The following RPGRIP1L variants were observed in gnomAD, a reference collection of about 807,000 sequenced individuals.
RPGRIP1L encodes the protein RPGRIP1 like.
In RPGRIP1L, 131 loss-of-function variants were observed where a neutral mutation model predicts 160.4. The observed-to-expected ratio is 0.82, with a 90% CI of 0.71 to 0.94. The LOEUF (loss-of-function observed/expected upper bound fraction) is 0.94. RPGRIP1L is among the 40% of genes least tolerant of loss of function. RPGRIP1L has a pLI of 0.00. For synonymous variants in RPGRIP1L, 510 were observed against 515.8 expected (o/e 0.99, Z 0.15); for missense variants, 1,522 against 1,535.8 (o/e 0.99, Z 0.15).
rs1296403401 is a variant in RPGRIP1L at position 53,658,792 on chromosome 16, G to A, written c.1330C>T (p.Arg444Cys). 4.1e-5 allele frequency: 65 copies of A among 1,601,780 alleles called. 1 individual carries two copies. The highest frequency in any genetic ancestry group is 2.1e-4 in the South Asian group (19 of 89,914). Residue 444 changes from arginine (R) to cysteine (C), a missense_variant, in exon 11 of 27, where the codon CGC (arginine) becomes TGC (cysteine). Transcript: ENST00000647211. ...TTCACCTGGTTGTACAATTTTATGC[G>A]TTTTTTAAGTTCATCAAGTTGTTGC... ...QKQQLDELKK[R>C]IKLYNQENDI...
intron 15 of RPGRIP1L, among the ~76,000 whole-genome samples, chr16:53,649,955 T>A (rs1051715279): frequency 5.9e-5 from 9 of 152,144 alleles, no homozygotes; most frequent in Admixed American, 2.0e-4. Context: ...ATTCTATACA[T>A]AAACTTTCCT....
chr16:53,643,716 T>G (rs9938878), intron 17 of RPGRIP1L, among the ~76,000 whole-genome samples: 1,827 of 152,236 alleles, frequency 0.012, 52 homozygotes, highest in African/African-American at 0.042. Context: ...GGAAATAGAT[T>G]CTACAGAAAT....
At chr16:53,671,700 C>T (rs1182204017) in intron 8 of RPGRIP1L, 117 bp from the exon 9 acceptor site, 1 of 590,454 alleles carries the variant, frequency 1.7e-6, no homozygotes, top group Middle Eastern at 4.5e-4. Flanking sequence ...ATCTCGATTG[C>T]TAAATGGTAG....
At chr16:53,689,928 G>T (rs1171941173) in intron 4 of RPGRIP1L, among the ~76,000 whole-genome samples, 1 of 152,162 alleles carries the variant, frequency 6.6e-6, no homozygotes, top group Non-Finnish European at 1.5e-5. Flanking sequence ...ATGTTTTTAA[G>T]AGTCTGCTGA....
At chr16:53,693,547 G>T (rs1424782314) in intron 3 of RPGRIP1L, 1 of 152,150 alleles carries the variant, frequency 6.6e-6, no homozygotes, top group Non-Finnish European at 1.5e-5. Flanking sequence ...AACATAATCA[G>T]TTAAGATTGT....
In RPGRIP1L at chr16:53,698,562, C is replaced by T. The variant is rs568772654; in HGVS notation, c.85+2077G>A. Among the ~76,000 whole-genome samples the T allele has an allele frequency of 2.5e-4, 36 of 145,748 alleles. 1 individual carries two copies. Among genetic ancestry groups the T allele is most frequent in the African/African-American group, 8.1e-4 (31 of 38,264 alleles). On this transcript the variant is annotated intron_variant, in intron 2 of 26. Transcript: ENST00000647211. ...GAGGTGGAGGGGTCAGCCCCCCGCC[C>T]GGCCAGCCGCCTCGTCCAGGAGGTG... is the stretch of plus-strand genomic sequence containing the variant.
intron 10 of RPGRIP1L, among the ~76,000 whole-genome samples, chr16:53,661,788 T>G (rs1056689512): frequency 2.0e-5 from 3 of 152,210 alleles, no homozygotes; most frequent in Non-Finnish European, 4.4e-5. Flanking sequence ...AACTGTTGTT[T>G]CAACAACGAT....
At chr16:53,683,667 C>A (rs1969770635) in intron 6 of RPGRIP1L, among the ~76,000 whole-genome samples, 1 of 146,914 alleles carries the variant, frequency 6.8e-6, no homozygotes. Context: ...ATATACTATT[C>A]TCTACTTTTG....
intron 25 of RPGRIP1L, among the ~76,000 whole-genome samples, chr16:53,606,133 ATGT>A (rs1179397002): frequency 2.0e-5 from 3 of 152,248 alleles, no homozygotes; most frequent in African/African-American, 7.2e-5. Flanking sequence ...TGTTAGATAA[ATGT>A]TGTAACTCTG....
intron 4 of RPGRIP1L, among the ~76,000 whole-genome samples, chr16:53,690,222 T>C (rs909396160): frequency 7.2e-5 from 11 of 152,158 alleles, no homozygotes; most frequent in Non-Finnish European, 1.3e-4. Context: ...TTTTGAGACT[T>C]AGTCTCCTCT....
In RPGRIP1L at chr16:53,655,300, C is replaced by T. The variant is rs187973748; in HGVS notation, c.1699+1172G>A. ...AAAGGTACTTTAATTTATGTTAACACGCAATAAGTTTATTATTATTTTAAC... is the reference window on the plus strand; with the variant it reads ...AAAGGTACTTTAATTTATGTTAACATGCAATAAGTTTATTATTATTTTAAC... On this transcript the variant is annotated intron_variant, in intron 14 of 26. Transcript: ENST00000647211. Among the ~76,000 whole-genome samples, 50 of 152,014 alleles carry T rather than the reference C, an allele frequency of 3.3e-4. 1 individual carries two copies. The highest frequency in any genetic ancestry group is 2.9e-3 in the South Asian group (14 of 4,808).
intron 5 of RPGRIP1L, 47 bp downstream of exon 5, chr16:53,687,814 CAT>C (rs1567881549): frequency 1.8e-6 from 2 of 1,094,800 alleles, no homozygotes; most frequent in Admixed American, 1.7e-5. Flanking sequence ...AAAAAAAAGA[CAT>C]TATCAATAAC....
At chr16:53,613,990 T>C (rs1964209912) in intron 24 of RPGRIP1L, among the ~76,000 whole-genome samples, 1 of 152,172 alleles carries the variant, frequency 6.6e-6, no homozygotes, top group African/African-American at 2.4e-5. Context: ...TTACATAACC[T>C]CTCCTCCTTC....
intron 6 of RPGRIP1L, among the ~76,000 whole-genome samples, chr16:53,683,707 A>G (rs201646253): frequency 6.6e-5 from 9 of 136,866 alleles, no homozygotes; most frequent in South Asian, 2.4e-4. Flanking sequence ...AAAAAAAAAG[A>G]AAAAAATCCA....
chr16:53,646,158 A>G (rs1966533145), intron 16 of RPGRIP1L, among the ~76,000 whole-genome samples, 155 bp from the exon 17 acceptor site: 1 of 152,210 alleles, frequency 6.6e-6, no homozygotes, highest in Non-Finnish European at 1.5e-5. Flanking sequence ...TCTAATGGAA[A>G]ATCAATATTC....
At chr16:53,633,169 G>C (rs1411175678) in intron 22 of RPGRIP1L, among the ~76,000 whole-genome samples, 3 of 152,148 alleles carry the variant, frequency 2.0e-5, no homozygotes. Context: ...GCAGTTCTTA[G>C]AGAAGACAAA....
intron 25 of RPGRIP1L, among the ~76,000 whole-genome samples, chr16:53,606,820 G>C (rs1281967471): frequency 1.3e-5 from 2 of 152,026 alleles, no homozygotes; most frequent in African/African-American, 2.4e-5. Context: ...CACTACGTTG[G>C]CCAGGCTGGT....
intron 8 of RPGRIP1L, among the ~76,000 whole-genome samples, chr16:53,672,198 G>A (rs1968789985): frequency 1.3e-5 from 2 of 152,092 alleles, no homozygotes; most frequent in Admixed American, 1.3e-4. Flanking sequence ...GTAGATTTCT[G>A]TACTCTAGTA....
At chr16:53,677,096 G>A (rs1226906215) in intron 6 of RPGRIP1L, among the ~76,000 whole-genome samples, 2 of 152,132 alleles carry the variant, frequency 1.3e-5, no homozygotes, top group South Asian at 2.1e-4. Flanking sequence ...GTAAGCATAT[G>A]TCAAAAACTT....
Sources: allele counts gnomAD v4.1 joint callset (sites outside exome capture counted in the v4.1 genomes callset), GRCh38; gene constraint gnomAD v4.1.1; transcripts MANE v1.5; gene names NCBI Gene and HGNC (gene_info 2026-07-23, HGNC 2026-07-21).